The following DOK6 variants were observed in gnomAD, a reference collection of about 807,000 sequenced individuals.
The protein encoded by DOK6 is docking protein 6.
A neutral mutation model predicts 44.0 loss-of-function variants in DOK6; 22 were observed. That is an observed-to-expected ratio of 0.50 (90% CI 0.36 to 0.71). The LOEUF is 0.71. DOK6 is among the 30% of genes least tolerant of loss of function. The pLI, the probability that DOK6 is intolerant of heterozygous loss-of-function variation, is 0.00. For missense variants in DOK6, 340 were observed against 416.4 expected, an observed-to-expected ratio of 0.82 and a Z score of 1.60; for synonymous variants, 166 against 145.5, an observed-to-expected ratio of 1.14 and a Z score of -1.01.
chr18:69,510,488 T>G (rs988175997), intron 1 of DOK6, among the ~76,000 whole-genome samples: 1 of 152,022 alleles, frequency 6.6e-6, no homozygotes, highest in Non-Finnish European at 1.5e-5. Context: ...TGAGATGAAT[T>G]GGAGTTTTGT....
intron 1 of DOK6, among the ~76,000 whole-genome samples, chr18:69,442,458 A>G (rs1325669378): frequency 1.3e-5 from 2 of 152,234 alleles, no homozygotes; most frequent in Non-Finnish European, 2.9e-5. Context: ...AGCAAAGGGG[A>G]AAAAGCCCCT....
At chr18:69,517,712 T>C (rs1377208531) in intron 1 of DOK6, among the ~76,000 whole-genome samples, 5 of 149,294 alleles carry the variant, frequency 3.3e-5, no homozygotes, top group Non-Finnish European at 7.4e-5. Flanking sequence ...TATTCAAGAG[T>C]TGTGCTATAC....
chr18:69,499,840 T>C (rs1214399046), intron 1 of DOK6, among the ~76,000 whole-genome samples: 1 of 152,214 alleles, frequency 6.6e-6, no homozygotes, highest in Non-Finnish European at 1.5e-5. Flanking sequence ...GTTTTCTTGA[T>C]GAAAGGCTTA....
At position 69,451,741 on chromosome 18, in the gene DOK6, A is replaced by G. The variant is rs984766774; in HGVS notation, c.66+50431A>G. Among the ~76,000 whole-genome samples the G allele has an allele frequency of 9.8e-5, 12 of 122,678 alleles. No homozygotes were observed. In the East Asian group the frequency reaches 1.7e-3, roughly 17 times the overall value. 80.5% of individuals were successfully genotyped at this position (122,678 alleles called of 152,430 possible). A position where few individuals can be genotyped will look rare whatever the true frequency, so the allele number is the denominator to read the frequency against. On this transcript the variant is annotated intron_variant, in intron 1 of 7. Transcript: ENST00000382713. ...CAGACCACAGTGCAATCAAACTAGA[A>G]CTCAGGATTAAGAGTCTCACTCAAA...
At chr18:69,560,136 G>T (rs910423731) in intron 1 of DOK6, among the ~76,000 whole-genome samples, 5 of 152,084 alleles carry the variant, frequency 3.3e-5, no homozygotes, top group Non-Finnish European at 5.9e-5. Flanking sequence ...GCTATGTCTT[G>T]TAATCCTCAA....
intron 1 of DOK6, among the ~76,000 whole-genome samples, chr18:69,415,097 G>A (rs1001227414): frequency 6.6e-6 from 1 of 152,070 alleles, no homozygotes; most frequent in African/African-American, 2.4e-5. Context: ...GATCAAAAGA[G>A]TGCTTAGTCT....
At chr18:69,602,139 C>T (rs978839687) in intron 3 of DOK6, among the ~76,000 whole-genome samples, 4 of 152,116 alleles carry the variant, frequency 2.6e-5, no homozygotes, top group Non-Finnish European at 5.9e-5. Flanking sequence ...TTCATAGTTA[C>T]TTCCTCCCTA....
intron 1 of DOK6, among the ~76,000 whole-genome samples, chr18:69,479,220 G>A (rs552369803): frequency 3.2e-4 from 49 of 152,220 alleles, no homozygotes; most frequent in African/African-American, 1.2e-3. Flanking sequence ...TATTAAGTTT[G>A]TAGTAAACAA....
chr18:69,632,903 C>G (rs1268446284), intron 3 of DOK6, among the ~76,000 whole-genome samples: 5 of 152,170 alleles, frequency 3.3e-5, no homozygotes, highest in African/African-American at 1.2e-4. Context: ...TTGTAAGACA[C>G]AAGTACTCAT....
intron 3 of DOK6, 142 bp from the exon 4 acceptor site, chr18:69,677,592 T>TC (rs1472234968): frequency 7.3e-7 from 1 of 1,379,082 alleles, no homozygotes; most frequent in Non-Finnish European, 9.8e-7. Flanking sequence ...TATTTTCACT[T>TC]CCTAAATACA....
chr18:69,527,636 C>T (rs1202052927), intron 1 of DOK6, among the ~76,000 whole-genome samples: 1 of 152,140 alleles, frequency 6.6e-6, no homozygotes, highest in South Asian at 2.1e-4. Context: ...AGATTATTTG[C>T]TCCCATTCTG....
chr18:69,692,885 C>G (rs937577396), intron 4 of DOK6, among the ~76,000 whole-genome samples: 1 of 151,982 alleles, frequency 6.6e-6, no homozygotes, highest in Admixed American at 6.5e-5. Flanking sequence ...TTTATGTTAA[C>G]TTAATAATGC....
At chr18:69,790,650 T>C (rs1980567129) in intron 7 of DOK6, among the ~76,000 whole-genome samples, 1 of 152,152 alleles carries the variant, frequency 6.6e-6, no homozygotes, top group South Asian at 2.1e-4. Flanking sequence ...AGAAATTTTA[T>C]TTTATTTTTG....
chr18:69,536,400 T>G (rs536295461), intron 1 of DOK6, among the ~76,000 whole-genome samples: 3 of 152,188 alleles, frequency 2.0e-5, no homozygotes, highest in African/African-American at 7.2e-5. Flanking sequence ...AAACATATAT[T>G]GTTAAAACTG....
At chr18:69,514,286 G>T (rs1334388468) in intron 1 of DOK6, among the ~76,000 whole-genome samples, 1 of 151,982 alleles carries the variant, frequency 6.6e-6, no homozygotes, top group Non-Finnish European at 1.5e-5. Context: ...AAAAAGGAGG[G>T]AAGAAGACAT....
intron 1 of DOK6, among the ~76,000 whole-genome samples, chr18:69,497,492 T>C (rs115786828): frequency 2.6e-3 from 391 of 152,296 alleles, no homozygotes; most frequent in African/African-American, 8.8e-3. Flanking sequence ...GTATAGGGGC[T>C]GACTTGGTCT....
At chr18:69,494,414 T>C (rs1002796161) in intron 1 of DOK6, among the ~76,000 whole-genome samples, 1 of 152,040 alleles carries the variant, frequency 6.6e-6, no homozygotes, top group African/African-American at 2.4e-5. Flanking sequence ...AGACAGAGGT[T>C]GCAGTGAGCC....
intron 4 of DOK6, among the ~76,000 whole-genome samples, chr18:69,687,607 A>G (rs1599263381): frequency 6.6e-6 from 1 of 152,124 alleles, no homozygotes; most frequent in Non-Finnish European, 1.5e-5. Flanking sequence ...GCTTGAGCCC[A>G]AGAGGCAGAG....
intron 3 of DOK6, among the ~76,000 whole-genome samples, chr18:69,603,688 G>A (rs1281712624): frequency 2.0e-5 from 3 of 150,756 alleles, no homozygotes; most frequent in Admixed American, 6.6e-5. Context: ...GGAGAATGGC[G>A]TGAACCCGGG....
Sources: allele counts gnomAD v4.1 joint callset (sites outside exome capture counted in the v4.1 genomes callset), GRCh38; gene constraint gnomAD v4.1.1; transcripts MANE v1.5; gene names NCBI Gene and HGNC (gene_info 2026-07-23, HGNC 2026-07-21).